The following TIAM2 variants were observed in gnomAD, a reference collection of about 807,000 sequenced individuals.
TIAM2 encodes TIAM Rac1 associated GEF 2.
Under a neutral mutation model 152.9 loss-of-function variants are expected in TIAM2, and 80 were observed. The observed-to-expected ratio is 0.52, with a 90% CI of 0.44 to 0.63. The LOEUF is 0.63. TIAM2 is among the 30% of genes least tolerant of loss of function. The probability of loss-of-function intolerance (pLI) is 0.00; values close to 1 mark genes in which losing one functional copy is unlikely to be tolerated. For synonymous variants in TIAM2, 804 were observed against 838.0 expected, an observed-to-expected ratio of 0.96 and a Z score of 0.70; for missense variants, 1,965 against 2,120.1, an observed-to-expected ratio of 0.93 and a Z score of 1.44.
chr6:155,011,738 C>T (rs1289153256), intron 1 of TIAM2, among the ~76,000 whole-genome samples: 1 of 152,224 alleles, frequency 6.6e-6, no homozygotes, highest in East Asian at 1.9e-4. Flanking sequence ...AACCAGTCAA[C>T]TCTCTTATGG....
chr6:155,016,494 A>T, intron 1 of TIAM2: 1 of 87,192 alleles, frequency 1.1e-5, no homozygotes, highest in Non-Finnish European at 2.3e-5. Context: ...ATTTAAATGT[A>T]AATGGTATTT....
intron 15 of TIAM2, among the ~76,000 whole-genome samples, chr6:155,222,332 G>GGTA (rs920592719): frequency 6.6e-6 from 1 of 150,620 alleles, no homozygotes; most frequent in Admixed American, 6.6e-5. Flanking sequence ...GGGTGGGCGT[G>GGTA]GCTCACGCCT....
At chr6:155,066,880 T>C (rs947134258) in intron 1 of TIAM2, among the ~76,000 whole-genome samples, 3 of 152,030 alleles carry the variant, frequency 2.0e-5, no homozygotes, top group African/African-American at 7.2e-5. Flanking sequence ...CTCAGCCTCC[T>C]GAATAGCTGG....
intron 9 of TIAM2, among the ~76,000 whole-genome samples, chr6:155,170,628 C>T (rs761130135): frequency 6.6e-6 from 1 of 152,174 alleles, no homozygotes; most frequent in Non-Finnish European, 1.5e-5. Context: ...GAAACTATAG[C>T]ATCAGTACAC....
At chr6:155,188,932 C>CT (rs1781119619) in intron 14 of TIAM2, among the ~76,000 whole-genome samples, 1 of 152,214 alleles carries the variant, frequency 6.6e-6, no homozygotes, top group African/African-American at 2.4e-5. Context: ...CCAACACAGG[C>CT]TTACCAGATG....
intron 1 of TIAM2, among the ~76,000 whole-genome samples, chr6:155,053,913 C>G (rs550270894): frequency 2.6e-5 from 4 of 152,312 alleles, no homozygotes; most frequent in African/African-American, 7.2e-5. Context: ...TGTGGTGACT[C>G]TTGCCTGTAA....
At chr6:155,140,573 T>TGTGTGTGA (rs1331424200) in intron 5 of TIAM2, among the ~76,000 whole-genome samples, 1 of 107,404 alleles carries the variant, frequency 9.3e-6, no homozygotes, top group African/African-American at 3.9e-5. Flanking sequence ...TGTGTGTGTG[T>TGTGTGTGA]GAGAGAGAGA....
rs986971535 is a variant in TIAM2 at position 155,240,816 on chromosome 6, CA to C, written c.3348+108del. 259 of 1,150,872 alleles carry C rather than the reference CA, an allele frequency of 2.3e-4. 1 individual carries two copies. The highest frequency in any genetic ancestry group is 1.7e-3 in the South Asian group (109 of 65,514). 71.3% of individuals were successfully genotyped at this position (1,150,872 alleles called of 1,614,324 possible). A position where few individuals can be genotyped will look rare whatever the true frequency, so the allele number is the denominator to read the frequency against. ...TCTGCCCAGGACACCTGCCACTCCC[CA>C]GGGGGGGACACCTGCTCCTTGAATC... is the stretch of plus-strand genomic sequence containing the variant. On this transcript the variant is annotated intron_variant, in intron 16 of 26. Transcript: ENST00000682666.
rs1025984254 is a variant in TIAM2 at position 155,017,061 on chromosome 6, C to T, written c.-209+21569C>T. 4.6e-5 allele frequency among the ~76,000 whole-genome samples: 7 copies of T among 152,212 alleles called. No individual in the cohort carries two copies. The East Asian group carries it at 1.2e-3, about 25-fold the overall frequency. On this transcript the variant is annotated intron_variant, in intron 1 of 26. Coordinates refer to ENST00000682666, the MANE Select transcript of TIAM2 (RefSeq NM_012454.4). The stretch of plus-strand genomic sequence containing the variant: ...AGAATTAATATGTCAGTAAACAGAG[C>T]AGGAACTCACAGGCAGGGCTGTGGG...
rs184967153 is a variant in TIAM2, at chr6:155,189,435, T to C, written c.3064+5935T>C. The stretch of plus-strand genomic sequence containing the variant: ...AGAACTTTGGTCTCAGAATTACGAG[T>C]TTGTTTTGTCTGTGCTGAAGATCGG... On this transcript the variant is annotated intron_variant, in intron 14 of 26. Coordinates refer to ENST00000682666, the MANE Select transcript of TIAM2 (RefSeq NM_012454.4). Among the ~76,000 whole-genome samples, 460 of 152,202 alleles carry C rather than the reference T, an allele frequency of 3.0e-3. 3 individuals carry two copies. The highest frequency in any genetic ancestry group is 0.011 in the African/African-American group (439 of 41,516).
intron 1 of TIAM2, among the ~76,000 whole-genome samples, chr6:155,031,472 C>T (rs148530470): frequency 0.026 from 3,981 of 152,216 alleles, 187 homozygotes; most frequent in African/African-American, 0.091. Context: ...CCTCTAATCC[C>T]AGCGCTGTGG....
intron 1 of TIAM2, among the ~76,000 whole-genome samples, chr6:155,008,255 A>G (rs994454753): frequency 6.6e-6 from 1 of 152,206 alleles, no homozygotes; most frequent in Non-Finnish European, 1.5e-5. Flanking sequence ...CTCATTTGGC[A>G]TTCTTAAAAT....
intron 15 of TIAM2, among the ~76,000 whole-genome samples, chr6:155,230,900 C>T (rs534943642): frequency 9.3e-5 from 14 of 150,144 alleles, no homozygotes; most frequent in African/African-American, 3.4e-4. Context: ...GTGGAACGAT[C>T]TTGGCTCACT....
At chr6:155,127,374 A>G (rs1779319015) in intron 2 of TIAM2, 116 bp from the exon 3 acceptor site, 1 of 344,198 alleles carries the variant, frequency 2.9e-6, no homozygotes, top group South Asian at 2.3e-5. Flanking sequence ...TTACCTTGAC[A>G]GTGACCCTGG....
At chr6:155,140,589 A>T (rs996269710) in intron 5 of TIAM2, among the ~76,000 whole-genome samples, 37 of 149,726 alleles carry the variant, frequency 2.5e-4, no homozygotes, top group East Asian at 5.9e-4. Context: ...AGAGAGAGAG[A>T]GAGAGAGAGA....
At chr6:155,245,755 GTTTTT>G in intron 19 of TIAM2, 24 bp downstream of exon 19, 2 of 1,022,126 alleles carry the variant, frequency 2.0e-6, no homozygotes, top group Non-Finnish European at 2.8e-6. Context: ...GCCTTTTATA[GTTTTT>G]TTTTTTTTTT....
intron 2 of TIAM2, among the ~76,000 whole-genome samples, chr6:155,115,728 C>T (rs1778991638): frequency 6.6e-6 from 1 of 152,188 alleles, no homozygotes; most frequent in Non-Finnish European, 1.5e-5. Context: ...CCTCATTATT[C>T]ATCCCCTGGA....
At chr6:155,108,172 A>G (rs991834882) in intron 2 of TIAM2, among the ~76,000 whole-genome samples, 1 of 152,174 alleles carries the variant, frequency 6.6e-6, no homozygotes, top group African/African-American at 2.4e-5. Flanking sequence ...ATTTTCAGGC[A>G]GGCTACGTGG....
chr6:155,256,275 A>C, intron 26 of TIAM2: 4 of 669,290 alleles, frequency 6.0e-6, no homozygotes, highest in Non-Finnish European at 1.0e-5. Flanking sequence ...AAAAATGCTG[A>C]ATTGCCTAAC....
Sources: gnomAD v4.1 joint callset for allele counts (sites outside exome capture counted in the v4.1 genomes callset) on GRCh38, gnomAD v4.1.1 for gene constraint, MANE v1.5 for transcripts, NCBI Gene and HGNC (gene_info 2026-07-23, HGNC 2026-07-21) for gene names.